MYO16: variants seen among roughly 807,000 people sequenced by gnomAD.
MYO16 encodes the protein unconventional myosin-XVI.
In MYO16, 94 loss-of-function variants were observed where a neutral mutation model predicts 205.3. The ratio of observed to expected loss-of-function variants is 0.46; its 90% CI spans 0.39 to 0.54. MYO16 has a LOEUF of 0.54. Ranked by LOEUF, MYO16 falls within the 20% of genes least tolerant of loss-of-function variation. The pLI, the probability that MYO16 is intolerant of heterozygous loss-of-function variation, is 0.00. For synonymous variants in MYO16, 988 were observed against 954.0 expected (o/e 1.04, Z -0.66); for missense variants, 2,315 against 2,387.5 (o/e 0.97, Z 0.63).
intron 4 of MYO16, among the ~76,000 whole-genome samples, chr13:108,744,435 TAAAA>T (rs1207645235): frequency 6.6e-6 from 1 of 152,148 alleles, no homozygotes; most frequent in Non-Finnish European, 1.5e-5. Flanking sequence ...TTCATTAAGT[TAAAA>T]AAAGAAAAAA....
chr13:109,180,913 G>C (rs923700566), intron 34 of MYO16, among the ~76,000 whole-genome samples: 5 of 152,166 alleles, frequency 3.3e-5, no homozygotes, highest in Non-Finnish European at 7.4e-5. Flanking sequence ...TTTTTGTATT[G>C]GAGGCCTGAC....
At chr13:109,086,531 G>C (rs965103695) in intron 27 of MYO16, among the ~76,000 whole-genome samples, 9 of 152,094 alleles carry the variant, frequency 5.9e-5, no homozygotes, top group African/African-American at 2.2e-4. Flanking sequence ...GACTGTTTTT[G>C]AATTTTGATC....
rs537487645 is a variant in MYO16 at position 108,613,274 on chromosome 13, T to C, written c.-39+17035T>C. ...TTCTGGATTTGACATTCTGTCTGCC[T>C]GTAAAAACATTGGAAATATGTAAAT... is the stretch of plus-strand genomic sequence containing the variant. On this transcript the variant is annotated intron_variant, in intron 1 of 24. Transcript: ENST00000251041. 2.0e-5 allele frequency among the ~76,000 whole-genome samples: 3 copies of C among 152,346 alleles called. No individual in the cohort carries two copies. The South Asian group carries it at 6.2e-4, about 32-fold the overall frequency.
intron 20 of MYO16, among the ~76,000 whole-genome samples, chr13:108,970,281 A>T (rs191977562): frequency 4.6e-5 from 7 of 152,352 alleles, no homozygotes; most frequent in Admixed American, 1.3e-4. Context: ...TAACGCTATT[A>T]AAAAAGCATG....
intron 4 of MYO16, among the ~76,000 whole-genome samples, chr13:108,757,373 C>G (rs1234541097): frequency 2.0e-5 from 3 of 152,154 alleles, no homozygotes; most frequent in Non-Finnish European, 4.4e-5. Flanking sequence ...ACAGGAGTCT[C>G]TAACATATCC....
chr13:109,100,967 A>G, intron 28 of MYO16, 80 bp downstream of exon 28: 1 of 1,260,404 alleles, frequency 7.9e-7, no homozygotes, highest in Non-Finnish European at 1.1e-6. Flanking sequence ...AGCCACCAGA[A>G]TCTTCCTGGC....
intron 29 of MYO16, among the ~76,000 whole-genome samples, chr13:109,124,878 T>G (rs1189794487): frequency 6.6e-6 from 1 of 152,218 alleles, no homozygotes; most frequent in Non-Finnish European, 1.5e-5. Flanking sequence ...CAGCTTGTGT[T>G]ACCAAAAACA....
chr13:108,518,998 C>G, the MYO16 span, among the ~76,000 whole-genome samples: 4 of 152,036 alleles, frequency 2.6e-5, no homozygotes, highest in African/African-American at 9.7e-5. Flanking sequence ...GATTAACACA[C>G]TTTTTCAAAA....
chr13:108,933,658 T>A (rs1566419575), intron 16 of MYO16, among the ~76,000 whole-genome samples: 1 of 152,034 alleles, frequency 6.6e-6, no homozygotes, highest in Non-Finnish European at 1.5e-5. Context: ...TCTGAGTATA[T>A]TATGTGATGC....
intron 1 of MYO16, among the ~76,000 whole-genome samples, chr13:108,618,917 G>A (rs530499948): frequency 2.0e-5 from 3 of 151,488 alleles, no homozygotes; most frequent in Non-Finnish European, 2.9e-5. Flanking sequence ...ATATTTATAC[G>A]TGTGCAACCA....
At chr13:108,601,474 C>A (rs1878760289) in intron 1 of MYO16, among the ~76,000 whole-genome samples, 1 of 152,060 alleles carries the variant, frequency 6.6e-6, no homozygotes, top group Non-Finnish European at 1.5e-5. Context: ...ACTTAAAGAA[C>A]TATGAATTAT....
chr13:108,971,372 T>C (rs1566439121), intron 20 of MYO16, among the ~76,000 whole-genome samples: 4 of 126,828 alleles, frequency 3.2e-5, no homozygotes, highest in Admixed American at 8.2e-5. Flanking sequence ...TATATATATA[T>C]ATACACATAT....
chr13:109,128,568 A>G (rs1876375826), intron 31 of MYO16, among the ~76,000 whole-genome samples: 1 of 152,148 alleles, frequency 6.6e-6, no homozygotes, highest in African/African-American at 2.4e-5. Context: ...GGACTGAAGC[A>G]GTAAGTCCAT....
chr13:108,771,822 T>G (rs148037141), intron 4 of MYO16, among the ~76,000 whole-genome samples: 7 of 152,352 alleles, frequency 4.6e-5, no homozygotes, highest in Non-Finnish European at 1.0e-4. Context: ...TTTTCATGGC[T>G]TCATAGCTCA....
chr13:108,915,251 GA>G (rs1325194248), intron 16 of MYO16, among the ~76,000 whole-genome samples: 3 of 152,114 alleles, frequency 2.0e-5, no homozygotes, highest in Admixed American at 2.0e-4. Flanking sequence ...AAAACAACAA[GA>G]AAAAAAGTCT....
At chr13:108,599,654 A>C (rs1299732070) in intron 1 of MYO16, among the ~76,000 whole-genome samples, 1 of 141,208 alleles carries the variant, frequency 7.1e-6, no homozygotes, top group African/African-American at 2.6e-5. Flanking sequence ...GCTATCTCAA[A>C]TGCATTAAAA....
At chr13:108,658,317 A>G (rs912069080) in intron 1 of MYO16, among the ~76,000 whole-genome samples, 3 of 152,052 alleles carry the variant, frequency 2.0e-5, no homozygotes, top group African/African-American at 7.2e-5. Flanking sequence ...ATATTGTTCT[A>G]GAAATTGTCA....
intron 20 of MYO16, among the ~76,000 whole-genome samples, chr13:108,983,758 G>C (rs1884532042): frequency 6.6e-6 from 1 of 152,114 alleles, no homozygotes; most frequent in African/African-American, 2.4e-5. Flanking sequence ...TAATTGTTAA[G>C]ACTGAAGGGC....
intron 16 of MYO16, among the ~76,000 whole-genome samples, chr13:108,951,910 C>T: frequency 6.6e-6 from 1 of 152,006 alleles, no homozygotes; most frequent in South Asian, 2.1e-4. Context: ...TTGAGACTAG[C>T]CTTGCCAACA....
Sources: allele counts gnomAD v4.1 joint callset (sites outside exome capture counted in the v4.1 genomes callset), GRCh38; gene constraint gnomAD v4.1.1; transcripts MANE v1.5; gene names NCBI Gene and HGNC (gene_info 2026-07-23, HGNC 2026-07-21).